Variants in STK3 observed in about 807,000 individuals in gnomAD.
The protein encoded by STK3 is serine/threonine-protein kinase 3.
Under a neutral mutation model 58.0 loss-of-function variants are expected in STK3, and 41 were observed. That is an observed-to-expected ratio of 0.71 (90% CI 0.55 to 0.92). The LOEUF is 0.92. STK3 is among the 40% of genes least tolerant of loss of function. The probability of loss-of-function intolerance (pLI) is 0.00; values close to 1 mark genes in which losing one functional copy is unlikely to be tolerated. For missense variants in STK3, 479 were observed against 602.7 expected (o/e 0.79, Z 2.15); for synonymous variants, 170 against 191.0 (o/e 0.89, Z 0.91).
At chr8:98,808,354 G>A (rs1834011369) in intron 1 of STK3, among the ~76,000 whole-genome samples, 3 of 152,070 alleles carry the variant, frequency 2.0e-5, no homozygotes, top group South Asian at 4.1e-4. Flanking sequence ...AAGGCCTTAC[G>A]GCAGAAAAAA....
At chr8:98,500,709 T>C (rs1298483014) in intron 10 of STK3, among the ~76,000 whole-genome samples, 1 of 152,218 alleles carries the variant, frequency 6.6e-6, no homozygotes. Context: ...GTTTCCAGCT[T>C]CATCCATGTC....
chr8:98,475,964 T>C (rs1821279491), intron 10 of STK3, among the ~76,000 whole-genome samples: 1 of 151,802 alleles, frequency 6.6e-6, no homozygotes, highest in South Asian at 2.1e-4. Context: ...AGTATCACGA[T>C]GTTCTAGTTC....
intron 1 of STK3, among the ~76,000 whole-genome samples, chr8:98,793,126 T>C (rs539865119): frequency 6.6e-6 from 1 of 152,186 alleles, no homozygotes; most frequent in African/African-American, 2.4e-5. Flanking sequence ...AGCTAAGCTA[T>C]GAGGACGCAA....
chr8:98,770,331 A>G (rs890073447), intron 2 of STK3, among the ~76,000 whole-genome samples: 16 of 152,200 alleles, frequency 1.1e-4, no homozygotes, highest in Admixed American at 7.9e-4. Context: ...CCAAGCAGCT[A>G]CTATTCACAC....
intron 10 of STK3, among the ~76,000 whole-genome samples, chr8:98,488,123 T>G (rs777693657): frequency 8.5e-5 from 13 of 152,186 alleles, no homozygotes; most frequent in Non-Finnish European, 1.3e-4. Context: ...CTTCTCTTCC[T>G]CTCTGGCATA....
At chr8:98,704,984 G>C (rs1825866987) in intron 6 of STK3, among the ~76,000 whole-genome samples, 1 of 152,140 alleles carries the variant, frequency 6.6e-6, no homozygotes, top group Non-Finnish European at 1.5e-5. Context: ...AATGATCAGA[G>C]ATGAAATAAG....
intron 6 of STK3, among the ~76,000 whole-genome samples, chr8:98,648,925 C>T (rs939673664): frequency 1.3e-5 from 2 of 150,828 alleles, no homozygotes; most frequent in African/African-American, 2.4e-5. Flanking sequence ...GGCATGGTGG[C>T]GGGCACCTGT....
At chr8:98,738,930 G>A (rs796725048) in intron 4 of STK3, among the ~76,000 whole-genome samples, 1 of 152,258 alleles carries the variant, frequency 6.6e-6, no homozygotes, top group Non-Finnish European at 1.5e-5. Flanking sequence ...CGGTTCACCA[G>A]GAGATTATAT....
At chr8:98,457,090 T>A (rs922467964) in intron 10 of STK3, among the ~76,000 whole-genome samples, 1 of 152,234 alleles carries the variant, frequency 6.6e-6, no homozygotes, top group African/African-American at 2.4e-5. Context: ...TGCCACTCAC[T>A]TCGGTGCATA....
At chr8:98,609,276 G>C (rs1419279276) in intron 6 of STK3, among the ~76,000 whole-genome samples, 1 of 152,168 alleles carries the variant, frequency 6.6e-6, no homozygotes, top group Non-Finnish European at 1.5e-5. Context: ...AATAAGTTTT[G>C]AGATAAGGCC....
At chr8:98,650,736 G>C (rs1820835052) in intron 6 of STK3, among the ~76,000 whole-genome samples, 1 of 152,202 alleles carries the variant, frequency 6.6e-6, no homozygotes, top group Non-Finnish European at 1.5e-5. Flanking sequence ...CTCGCTGATT[G>C]CTAGGACAGC....
chr8:98,886,513 G>C (rs139364634), intron 1 of STK3, among the ~76,000 whole-genome samples: 1 of 152,206 alleles, frequency 6.6e-6, no homozygotes, highest in Non-Finnish European at 1.5e-5. Flanking sequence ...TGCAATATTA[G>C]GATAATATGG....
Position 98,687,432 on chromosome 8 carries a change from C to T in STK3, c.684+19035G>A, listed in dbSNP as rs568955159. Among the ~76,000 whole-genome samples the T allele has an allele frequency of 7.4e-4, 113 of 152,270 alleles. 2 individuals are homozygous for T. The highest frequency in any genetic ancestry group is 3.3e-3 in the Admixed American group (51 of 15,292). On this transcript the variant is annotated intron_variant, in intron 6 of 10. Transcript: ENST00000419617. ...ATGTCAGTGCTGATCTGACAGGAGG[C>T]GGAGCTTAGGCTGTAATTCTTGATC...
At chr8:98,363,352 C>T in the STK3 span, among the ~76,000 whole-genome samples, 1 of 152,110 alleles carries the variant, frequency 6.6e-6, no homozygotes, top group Non-Finnish European at 1.5e-5. Context: ...AATGCACCCC[C>T]AGAAAATCAC....
intron 1 of STK3, among the ~76,000 whole-genome samples, chr8:98,930,840 A>C (rs763138760): frequency 1.3e-5 from 2 of 152,220 alleles, no homozygotes; most frequent in Non-Finnish European, 2.9e-5. Context: ...CTCTATACTC[A>C]TGAAAATCCC....
intron 3 of STK3, among the ~76,000 whole-genome samples, chr8:98,750,129 A>C (rs1829880437): frequency 6.6e-6 from 1 of 152,208 alleles, no homozygotes; most frequent in South Asian, 2.1e-4. Flanking sequence ...GAAACTAAAT[A>C]GGACACAACT....
intron 1 of STK3, among the ~76,000 whole-genome samples, chr8:98,383,615 G>GCAAAACAAAA (rs1194008237): frequency 6.6e-6 from 1 of 152,172 alleles, no homozygotes; most frequent in African/African-American, 2.4e-5. Flanking sequence ...GCAAAGCAAA[G>GCAAAACAAAA]CAAAACAAAA....
intron 1 of STK3, among the ~76,000 whole-genome samples, chr8:98,931,348 A>T (rs745403712): frequency 6.6e-6 from 1 of 152,192 alleles, no homozygotes; most frequent in African/African-American, 2.4e-5. Flanking sequence ...AGAAAACAAA[A>T]ATGCAAGCAC....
chr8:98,415,370 G>C (rs1818103755), intron 3 of STK3, among the ~76,000 whole-genome samples: 1 of 152,192 alleles, frequency 6.6e-6, no homozygotes, highest in African/African-American at 2.4e-5. Flanking sequence ...TCATGACTGA[G>C]CCACGATACT....
Sources: allele counts gnomAD v4.1 joint callset (sites outside exome capture counted in the v4.1 genomes callset), GRCh38; gene constraint gnomAD v4.1.1; transcripts MANE v1.5; gene names NCBI Gene and HGNC (gene_info 2026-07-23, HGNC 2026-07-21).